The following ADAMTSL1 variants were observed in gnomAD, a reference collection of about 807,000 sequenced individuals.
ADAMTSL1 encodes ADAMTS-like protein 1.
Under a neutral mutation model 201.8 loss-of-function variants are expected in ADAMTSL1, and 126 were observed. That is an observed-to-expected ratio of 0.62 (90% CI 0.54 to 0.72). The LOEUF is 0.72. Ranked by LOEUF, ADAMTSL1 falls within the 30% of genes least tolerant of loss-of-function variation. The pLI, the probability that ADAMTSL1 is intolerant of heterozygous loss-of-function variation, is 0.00. For missense variants in ADAMTSL1, 2,679 were observed against 2,277.8 expected (o/e 1.18, Z -3.59); for synonymous variants, 1,121 against 903.4 (o/e 1.24, Z -4.32).
chr9:18,174,972 G>T (rs1018312681), intron 2 of ADAMTSL1, among the ~76,000 whole-genome samples: 3 of 152,180 alleles, frequency 2.0e-5, no homozygotes, highest in Non-Finnish European at 4.4e-5. Context: ...AATATTAAAA[G>T]AATTAAAGAT....
chr9:18,012,987 AC>A, intron 1 of ADAMTSL1, among the ~76,000 whole-genome samples: 1 of 132,674 alleles, frequency 7.5e-6, no homozygotes, highest in Admixed American at 7.4e-5. Context: ...CCATTTACTT[AC>A]CAGCATTTTT....
intron 2 of ADAMTSL1, among the ~76,000 whole-genome samples, chr9:18,397,529 A>G (rs1471505848): frequency 6.6e-6 from 1 of 152,170 alleles, no homozygotes; most frequent in Non-Finnish European, 1.5e-5. Flanking sequence ...CCGTGTGAAA[A>G]GAGACAGCAA....
chr9:18,022,654 C>A (rs919368815), intron 1 of ADAMTSL1, among the ~76,000 whole-genome samples: 2 of 151,970 alleles, frequency 1.3e-5, no homozygotes, highest in Non-Finnish European at 2.9e-5. Flanking sequence ...TGGAAACAGT[C>A]TTTACTAAGA....
At chr9:18,055,217 G>T (rs1297141111) in intron 1 of ADAMTSL1, among the ~76,000 whole-genome samples, 1 of 152,208 alleles carries the variant, frequency 6.6e-6, no homozygotes, top group East Asian at 1.9e-4. Flanking sequence ...TTCATAGTCA[G>T]TTTAGTAAAA....
chr9:18,777,049 G>T lies in ADAMTSL1; in HGVS notation c.2820G>T (p.Ser940=), dbSNP rs1002433048. The part of the protein sequence containing the change: ...GYLKIHRLKP[S]DAGVYTCSAG... The stretch of plus-strand genomic sequence containing the variant: ...TCAAGATCCACCGCCTCAAGCCCTC[G>T]GATGCAGGCGTCTACACCTGCTCAG... Residue 940 remains serine, a synonymous_variant, in exon 19 of 29, where the codon TCG becomes TCT. Transcript: ENST00000380548. 3.1e-6 allele frequency: 5 copies of T among 1,612,216 alleles called. No individual in the cohort carries two copies. The African/African-American group carries it at 5.3e-5, about 17-fold the overall frequency.
At chr9:18,341,244 C>G (rs1202769340) in intron 2 of ADAMTSL1, among the ~76,000 whole-genome samples, 1 of 152,124 alleles carries the variant, frequency 6.6e-6, no homozygotes, top group Non-Finnish European at 1.5e-5. Context: ...TCTCTATACT[C>G]CTCTTTCAGG....
intron 2 of ADAMTSL1, among the ~76,000 whole-genome samples, chr9:18,426,345 T>A (rs1819221236): frequency 6.6e-6 from 1 of 152,164 alleles, no homozygotes; most frequent in Non-Finnish European, 1.5e-5. Flanking sequence ...TCTCCCTCCC[T>A]AAAGGGATAC....
chr9:18,664,080 C>G (rs1272634854), intron 9 of ADAMTSL1, among the ~76,000 whole-genome samples: 1 of 152,016 alleles, frequency 6.6e-6, no homozygotes, highest in Non-Finnish European at 1.5e-5. Flanking sequence ...AGGCAAATGT[C>G]AGGAAGCTGC....
At chr9:18,114,762 A>G (rs79854441) in intron 1 of ADAMTSL1, among the ~76,000 whole-genome samples, 1 of 152,274 alleles carries the variant, frequency 6.6e-6, no homozygotes, top group East Asian at 1.9e-4. Context: ...TCAAGCTTAG[A>G]GTGTAAGTGG....
intron 2 of ADAMTSL1, among the ~76,000 whole-genome samples, chr9:18,257,168 C>T (rs1831719088): frequency 6.6e-6 from 1 of 152,114 alleles, no homozygotes; most frequent in African/African-American, 2.4e-5. Flanking sequence ...GTATGGTGAT[C>T]ATCACAACAC....
intron 1 of ADAMTSL1, among the ~76,000 whole-genome samples, chr9:17,961,305 A>C (rs565244875): frequency 1.3e-5 from 2 of 151,950 alleles, no homozygotes; most frequent in African/African-American, 4.8e-5. Flanking sequence ...CTGGAGTGTA[A>C]TGACGCAATC....
At chr9:18,874,969 C>T (rs1828061089) in intron 23 of ADAMTSL1, among the ~76,000 whole-genome samples, 1 of 151,978 alleles carries the variant, frequency 6.6e-6, no homozygotes, top group Admixed American at 6.6e-5. Flanking sequence ...TTCAGAGTTT[C>T]TGTTTTTTCC....
chr9:18,392,638 C>T (rs1040433104), intron 2 of ADAMTSL1, among the ~76,000 whole-genome samples: 4 of 152,168 alleles, frequency 2.6e-5, no homozygotes, highest in African/African-American at 9.7e-5. Context: ...AACAAAGTAA[C>T]CTTACACAAC....
intron 27 of ADAMTSL1, 113 bp from the exon 28 acceptor site, chr9:18,906,579 G>C: frequency 1.2e-6 from 1 of 865,890 alleles, no homozygotes; most frequent in Non-Finnish European, 1.7e-6. Flanking sequence ...TAGTAACGCT[G>C]AAAGTTCTTG....
intron 2 of ADAMTSL1, among the ~76,000 whole-genome samples, chr9:18,349,867 C>G (rs913755844): frequency 4.0e-5 from 6 of 151,820 alleles, no homozygotes; most frequent in Non-Finnish European, 8.8e-5. Flanking sequence ...TTTGGAAGCA[C>G]ACGTCTGTTA....
chr9:18,057,588 C>A (rs1447440768), intron 1 of ADAMTSL1, among the ~76,000 whole-genome samples: 2 of 152,114 alleles, frequency 1.3e-5, no homozygotes, highest in South Asian at 4.1e-4. Flanking sequence ...TTGGTTAGAA[C>A]GAGTTTTTTA....
At chr9:18,571,169 G>A (rs963429332) in intron 3 of ADAMTSL1, among the ~76,000 whole-genome samples, 1 of 152,176 alleles carries the variant, frequency 6.6e-6, no homozygotes, top group Non-Finnish European at 1.5e-5. Context: ...TCTGTACTAA[G>A]ATGATATTGC....
intron 20 of ADAMTSL1, among the ~76,000 whole-genome samples, chr9:18,798,940 T>G (rs530417383): frequency 5.9e-5 from 9 of 152,354 alleles, no homozygotes; most frequent in Admixed American, 2.0e-4. Flanking sequence ...ATACTGTCTT[T>G]TGTGCCTTTT....
intron 23 of ADAMTSL1, among the ~76,000 whole-genome samples, chr9:18,830,909 G>C (rs1824935583): frequency 6.6e-6 from 1 of 152,178 alleles, no homozygotes. Flanking sequence ...CCCAAATGTT[G>C]ACAATAACAG....
Sources: gnomAD v4.1 joint callset for allele counts (sites outside exome capture counted in the v4.1 genomes callset) on GRCh38, gnomAD v4.1.1 for gene constraint, MANE v1.5 for transcripts, NCBI Gene and HGNC (gene_info 2026-07-23, HGNC 2026-07-21) for gene names.